Variants in GNB4 observed in about 807,000 individuals in gnomAD.
GNB4 encodes G protein subunit beta 4, also known as guanine nucleotide-binding protein subunit beta-4.
Under a neutral mutation model 45.2 loss-of-function variants are expected in GNB4, and 28 were observed. The observed-to-expected ratio is 0.62, with a 90% confidence interval of 0.46 to 0.85. GNB4 has a LOEUF of 0.85. Among genes scored for constraint, GNB4 ranks in the 40% least tolerant of loss-of-function variants. The pLI, the probability that GNB4 is intolerant of heterozygous loss-of-function variation, is 0.00. For missense variants in GNB4, 321 were observed against 425.4 expected, an observed-to-expected ratio of 0.75 and a Z score of 2.16; for synonymous variants, 132 against 143.7, an observed-to-expected ratio of 0.92 and a Z score of 0.58.
At chr3:179,447,007 T>C (rs189557977) in intron 1 of GNB4, among the ~76,000 whole-genome samples, 45 of 152,220 alleles carry the variant, frequency 3.0e-4, no homozygotes, top group Middle Eastern at 6.8e-3. Flanking sequence ...GTCTAGGAGA[T>C]AAATAATACA....
At chr3:179,462,599 G>A in the GNB4 span, among the ~76,000 whole-genome samples, 3 of 152,178 alleles carry the variant, frequency 2.0e-5, no homozygotes, top group Non-Finnish European at 4.4e-5. Context: ...AGCACTTTGG[G>A]AGGCCGAGGC....
intron 9 of GNB4, among the ~76,000 whole-genome samples, chr3:179,402,059 G>A (rs1577023621): frequency 6.6e-6 from 1 of 152,218 alleles, no homozygotes. Flanking sequence ...TATCATTTTC[G>A]ATCAATCAGG....
At chr3:179,435,414 G>C (rs757328472) in intron 1 of GNB4, among the ~76,000 whole-genome samples, 2 of 150,098 alleles carry the variant, frequency 1.3e-5, no homozygotes, top group African/African-American at 2.5e-5. Flanking sequence ...CTGCCCTCTT[G>C]GGAGGAAGCA....
chr3:179,480,411 G>A, the GNB4 span, among the ~76,000 whole-genome samples: 1 of 152,146 alleles, frequency 6.6e-6, no homozygotes, highest in African/African-American at 2.4e-5. Context: ...ACTTACAAGT[G>A]CATAGCTCTG....
chr3:179,513,532 T>C, the GNB4 span, among the ~76,000 whole-genome samples: 1 of 152,186 alleles, frequency 6.6e-6, no homozygotes, highest in South Asian at 2.1e-4. Context: ...TACATGTACA[T>C]AGTTTAAATG....
At chr3:179,451,757 C>G (rs982987021), upstream of GNB4, among the ~76,000 whole-genome samples, 8 of 152,202 alleles carry the variant, frequency 5.3e-5, no homozygotes, top group East Asian at 1.5e-3. Flanking sequence ...CCGGGGCACG[C>G]TGCTAAGTAG....
At chr3:179,521,431 C>T in the GNB4 span, among the ~76,000 whole-genome samples, 1 of 152,226 alleles carries the variant, frequency 6.6e-6, no homozygotes, top group African/African-American at 2.4e-5. Context: ...ATTTGAGCTC[C>T]TGTATAGATG....
the GNB4 span, among the ~76,000 whole-genome samples, chr3:179,456,983 A>T: frequency 6.6e-5 from 10 of 152,194 alleles, no homozygotes; most frequent in African/African-American, 2.2e-4. Flanking sequence ...AGCCACATAG[A>T]CCAGACTTCA....
At chr3:179,498,748 G>GTTTTTTTT in the GNB4 span, among the ~76,000 whole-genome samples, 2 of 117,596 alleles carry the variant, frequency 1.7e-5, no homozygotes, top group African/African-American at 3.7e-5. Flanking sequence ...GTTGAGGTTT[G>GTTTTTTTT]GTTTTTTTTT....
chr3:179,419,360 G>C (rs747957934), intron 4 of GNB4, 39 bp downstream of exon 4: 3 of 1,152,584 alleles, frequency 2.6e-6, no homozygotes, highest in Non-Finnish European at 2.6e-6. Context: ...AAATAATTCT[G>C]CAACAGTTTA....
the GNB4 span, among the ~76,000 whole-genome samples, chr3:179,479,073 C>T: frequency 2.0e-5 from 3 of 152,092 alleles, no homozygotes; most frequent in Admixed American, 2.0e-4. Context: ...TATAAATTAC[C>T]CAGTCTCAGG....
intron 1 of GNB4, among the ~76,000 whole-genome samples, chr3:179,441,241 T>C (rs1242379923): frequency 6.6e-6 from 1 of 152,150 alleles, no homozygotes; most frequent in African/African-American, 2.4e-5. Context: ...CCTTAGGCAA[T>C]TTCATCACTG....
chr3:179,467,089 C>T, the GNB4 span, among the ~76,000 whole-genome samples: 7 of 152,288 alleles, frequency 4.6e-5, no homozygotes, highest in Admixed American at 4.6e-4. Flanking sequence ...TCATAGCTCA[C>T]TGCAGCCTTG....
At chr3:179,502,558 G>A in the GNB4 span, among the ~76,000 whole-genome samples, 6 of 151,832 alleles carry the variant, frequency 4.0e-5, no homozygotes, top group African/African-American at 1.2e-4. Context: ...TTATGTTTTG[G>A]TTGCCACCGT....
At chr3:179,422,621 A>G (rs1222774186) in intron 2 of GNB4, among the ~76,000 whole-genome samples, 2 of 152,186 alleles carry the variant, frequency 1.3e-5, no homozygotes, top group East Asian at 1.9e-4. Flanking sequence ...TGCAAATCAA[A>G]GACATAACAA....
At chr3:179,427,418 A>T (rs1715178767) in intron 1 of GNB4, among the ~76,000 whole-genome samples, 1 of 152,016 alleles carries the variant, frequency 6.6e-6, no homozygotes, top group South Asian at 2.1e-4. Context: ...CAGCCTGGGC[A>T]ACATGGCGAA....
chr3:179,438,770 T>A (rs543893971), intron 1 of GNB4, among the ~76,000 whole-genome samples: 1 of 152,264 alleles, frequency 6.6e-6, no homozygotes, highest in East Asian at 1.9e-4. Context: ...GACTCTCCTA[T>A]TGAGGGGTAG....
At chr3:179,464,212 G>A in the GNB4 span, 9 of 391,174 alleles carry the variant, frequency 2.3e-5, no homozygotes, top group East Asian at 3.7e-4. Flanking sequence ...TAATCCCAAC[G>A]TTTTAGGAGG....
chr3:179,514,579 G>A, the GNB4 span, among the ~76,000 whole-genome samples: 74 of 152,160 alleles, frequency 4.9e-4, 1 homozygote, highest in Non-Finnish European at 2.9e-5. Flanking sequence ...CCTTTCTGGA[G>A]GAAATTAAGG....
Sources: allele counts gnomAD v4.1 joint callset (sites outside exome capture counted in the v4.1 genomes callset), GRCh38; gene constraint gnomAD v4.1.1; transcripts MANE v1.5; gene names NCBI Gene and HGNC (gene_info 2026-07-23, HGNC 2026-07-21).